Variants in CACNG3 observed in about 807,000 individuals in gnomAD.
CACNG3 encodes calcium voltage-gated channel auxiliary subunit gamma 3, also known as voltage-dependent calcium channel gamma-3 subunit.
In CACNG3, 3 loss-of-function variants were observed where a neutral mutation model predicts 28.5. The ratio of observed to expected loss-of-function variants is 0.11; its 90% CI spans 0.05 to 0.27. The LOEUF (loss-of-function observed/expected upper bound fraction) is 0.27, where lower values mean the gene tolerates loss of function less well. Among genes scored for constraint, CACNG3 ranks in the 10% least tolerant of loss-of-function variants. The probability of loss-of-function intolerance (pLI) is 1.00; values close to 1 mark genes in which losing one functional copy is unlikely to be tolerated. For synonymous variants in CACNG3, 174 were observed against 162.2 expected, an observed-to-expected ratio of 1.07 and a Z score of -0.55; for missense variants, 236 against 414.4, an observed-to-expected ratio of 0.57 and a Z score of 3.74.
intron 1 of CACNG3, among the ~76,000 whole-genome samples, chr16:24,289,632 G>T (rs934225097): frequency 1.3e-5 from 2 of 152,146 alleles, no homozygotes; most frequent in Admixed American, 1.3e-4. Context: ...TCCCTACAGG[G>T]TTCACTCTGA....
intron 1 of CACNG3, among the ~76,000 whole-genome samples, chr16:24,295,864 C>A (rs1298146866): frequency 6.6e-6 from 1 of 151,598 alleles, no homozygotes; most frequent in Non-Finnish European, 1.5e-5. Flanking sequence ...AACAAACAAA[C>A]AAACAAAAAA....
intron 2 of CACNG3, among the ~76,000 whole-genome samples, chr16:24,347,874 AT>A (rs1282076459): frequency 1.3e-5 from 2 of 151,916 alleles, no homozygotes; most frequent in Non-Finnish European, 2.9e-5. Flanking sequence ...ACCTTTCTTC[AT>A]TTTTTTCTGA....
intron 1 of CACNG3, among the ~76,000 whole-genome samples, chr16:24,275,574 C>T (rs1377538847): frequency 6.6e-6 from 1 of 152,152 alleles, no homozygotes; most frequent in African/African-American, 2.4e-5. Flanking sequence ...ACCATATTTA[C>T]TTGAAAGAAT....
intron 1 of CACNG3, among the ~76,000 whole-genome samples, chr16:24,313,015 AAG>A (rs1268211994): frequency 2.7e-5 from 4 of 150,148 alleles, no homozygotes; most frequent in Non-Finnish European, 3.0e-5. Context: ...AAAAGAGAGA[AAG>A]AGAGAGAGGA....
chr16:24,294,101 AACCTGGCGTTGTGC>A (rs1255260095), intron 1 of CACNG3, among the ~76,000 whole-genome samples: 4 of 152,136 alleles, frequency 2.6e-5, no homozygotes, highest in Admixed American at 2.6e-4. Context: ...TCTTCCCACA[AACCTGGCGTTGTGC>A]ACCTGATCGT....
intron 1 of CACNG3, among the ~76,000 whole-genome samples, chr16:24,325,751 G>T (rs1899532052): frequency 6.6e-6 from 1 of 152,246 alleles, no homozygotes; most frequent in South Asian, 2.1e-4. Flanking sequence ...GCTCAGGTTT[G>T]CAGAGCAGGC....
intron 1 of CACNG3, among the ~76,000 whole-genome samples, chr16:24,299,422 C>T (rs1899076777): frequency 6.6e-6 from 1 of 152,146 alleles, no homozygotes; most frequent in Admixed American, 6.6e-5. Flanking sequence ...CCTCAAGATG[C>T]TCCAGGCACA....
intron 1 of CACNG3, among the ~76,000 whole-genome samples, chr16:24,321,411 C>T (rs543537915): frequency 5.3e-5 from 8 of 152,018 alleles, no homozygotes; most frequent in Admixed American, 4.6e-4. Context: ...ACTGCACTCC[C>T]GCCTGGGCAA....
intron 1 of CACNG3, among the ~76,000 whole-genome samples, chr16:24,297,925 C>A (rs1047887678): frequency 8.6e-5 from 13 of 151,906 alleles, no homozygotes; most frequent in Non-Finnish European, 1.5e-4. Context: ...GTCACAGTAG[C>A]CTAAATGAGG....
At chr16:24,295,683 C>T (rs1038900009) in intron 1 of CACNG3, among the ~76,000 whole-genome samples, 3 of 151,936 alleles carry the variant, frequency 2.0e-5, no homozygotes, top group South Asian at 4.2e-4. Context: ...CTCATCACCA[C>T]TAAAAATTAA....
intron 1 of CACNG3, among the ~76,000 whole-genome samples, chr16:24,300,658 C>T (rs1291559783): frequency 1.3e-5 from 2 of 151,224 alleles, no homozygotes; most frequent in Admixed American, 6.6e-5. Flanking sequence ...CATGGTGGCT[C>T]ATGCCCGTAA....
At chr16:24,296,042 T>A (rs1047161824) in intron 1 of CACNG3, among the ~76,000 whole-genome samples, 9 of 152,178 alleles carry the variant, frequency 5.9e-5, no homozygotes, top group African/African-American at 2.2e-4. Context: ...AGGAGGACAA[T>A]TTTGCACAAG....
At chr16:24,343,263 T>G (rs1899815041) in intron 1 of CACNG3, among the ~76,000 whole-genome samples, 1 of 152,012 alleles carries the variant, frequency 6.6e-6, no homozygotes, top group African/African-American at 2.4e-5. Flanking sequence ...TGGTTCTAAG[T>G]CTTAGTTTCA....
intron 1 of CACNG3, among the ~76,000 whole-genome samples, chr16:24,297,987 CTGTGTG>C (rs55859502): frequency 0.021 from 3,058 of 149,088 alleles, 28 homozygotes; most frequent in Non-Finnish European, 0.026. Context: ...TTCAAAAGAT[CTGTGTG>C]TGTGTGTGTG....
intron 1 of CACNG3, among the ~76,000 whole-genome samples, chr16:24,302,701 C>G (rs1899130141): frequency 6.6e-6 from 1 of 151,958 alleles, no homozygotes; most frequent in Non-Finnish European, 1.5e-5. Context: ...GCTCTGTTGC[C>G]CAGGCTGGAG....
At chr16:24,354,659 G>C (rs1900004082) in intron 2 of CACNG3, among the ~76,000 whole-genome samples, 174 bp from the exon 3 acceptor site, 1 of 152,216 alleles carries the variant, frequency 6.6e-6, no homozygotes, top group Non-Finnish European at 1.5e-5. Flanking sequence ...TCAACCCCAA[G>C]TGCCAAGACT....
At chr16:24,335,180 G>A (rs1899685638) in intron 1 of CACNG3, among the ~76,000 whole-genome samples, 1 of 152,158 alleles carries the variant, frequency 6.6e-6, no homozygotes, top group African/African-American at 2.4e-5. Flanking sequence ...AGCGCTTTGG[G>A]AGGCTGAGGC....
intron 3 of CACNG3, among the ~76,000 whole-genome samples, chr16:24,360,488 G>A (rs1199873734): frequency 6.6e-6 from 1 of 152,158 alleles, no homozygotes; most frequent in African/African-American, 2.4e-5. Flanking sequence ...TCAAACAACA[G>A]CTGATCTGAA....
At chr16:24,340,972 C>A (rs2141377645) in intron 1 of CACNG3, among the ~76,000 whole-genome samples, 1 of 152,370 alleles carries the variant, frequency 6.6e-6, no homozygotes, top group Admixed American at 6.5e-5. Flanking sequence ...AAGCTGTGCT[C>A]TTCTCTGCAT....
Sources: allele counts gnomAD v4.1 joint callset (sites outside exome capture counted in the v4.1 genomes callset), GRCh38; gene constraint gnomAD v4.1.1; transcripts MANE v1.5; gene names NCBI Gene and HGNC (gene_info 2026-07-23, HGNC 2026-07-21).